C2CD2: variants seen among roughly 807,000 people sequenced by gnomAD.
C2CD2 encodes C2 domain-containing protein 2.
A neutral mutation model predicts 74.3 loss-of-function variants in C2CD2; 43 were observed. The ratio of observed to expected loss-of-function variants is 0.58; its 90% CI spans 0.45 to 0.75. The LOEUF is 0.75. C2CD2 is among the 30% of genes least tolerant of loss of function. C2CD2 has a pLI of 0.00. For synonymous variants in C2CD2, 422 were observed against 390.7 expected (o/e 1.08, Z -0.94); for missense variants, 801 against 916.3 (o/e 0.87, Z 1.63).
At chr21:41,901,566 C>A (rs1172293362) in intron 12 of C2CD2, 56 bp downstream of exon 12, 2 of 1,590,940 alleles carry the variant, frequency 1.3e-6, no homozygotes, top group Non-Finnish European at 1.7e-6. Flanking sequence ...GGCAGAGGAG[C>A]AGCAGGTCAC....
intron 3 of C2CD2, 121 bp from the exon 4 acceptor site, chr21:41,919,081 T>C (rs909841943): frequency 7.6e-5 from 55 of 725,942 alleles, no homozygotes; most frequent in Admixed American, 1.7e-4. Context: ...CATGTGTCTA[T>C]GTGAGCATAT....
rs1033935900 is a variant in C2CD2 at position 41,924,626 on chromosome 21, C to CA, written c.379-2542dup. 3.9e-5 allele frequency among the ~76,000 whole-genome samples: 6 copies of CA among 152,180 alleles called. No homozygotes were observed. Among genetic ancestry groups the CA allele is most frequent in the African/African-American group, 1.4e-4 (6 of 41,432 alleles). On this transcript the variant is annotated intron_variant, in intron 2 of 13. Coordinates refer to ENST00000380486, the MANE Select transcript of C2CD2 (RefSeq NM_015500.2). The surrounding 1 kb of genome is among the most constrained non-coding windows in gnomAD (Gnocchi z 4.4). ...TTGTGGCCAGATGAGTTACACGCACCAATGGCATGACACTGAGAAAATTCC... is the reference window on the plus strand; with the variant it reads ...TTGTGGCCAGATGAGTTACACGCACCAAATGGCATGACACTGAGAAAATTCC...
rs1050956630 is a variant in C2CD2, at chr21:41,923,026, C to A, written c.379-941G>T. 2.0e-5 allele frequency among the ~76,000 whole-genome samples: 3 copies of A among 148,398 alleles called. No homozygotes were observed. The highest frequency in any genetic ancestry group is 7.5e-5 in the African/African-American group (3 of 40,014). ...TTTTTTTTTTTTGGAGATGGAGTTTCACTCTGTCGCCCAGGTTGGAGTGCA... is the reference window on the plus strand; with the variant it reads ...TTTTTTTTTTTTGGAGATGGAGTTTAACTCTGTCGCCCAGGTTGGAGTGCA... On this transcript the variant is annotated intron_variant, in intron 2 of 13. Coordinates refer to ENST00000380486, the MANE Select transcript of C2CD2 (RefSeq NM_015500.2). The surrounding 1 kb of genome is among the most constrained non-coding windows in gnomAD (Gnocchi z 5.8).
At chr21:41,944,521 CAAA>C (rs369422328) in intron 1 of C2CD2, among the ~76,000 whole-genome samples, 5 of 97,946 alleles carry the variant, frequency 5.1e-5, no homozygotes, top group Admixed American at 1.3e-4. Context: ...GACTCTGCCT[CAAA>C]AAAAAAAAAA....
chr21:41,905,661 C>T, intron 11 of C2CD2, 63 bp downstream of exon 11: 2 of 851,850 alleles, frequency 2.3e-6, no homozygotes, highest in Non-Finnish European at 3.8e-6. Flanking sequence ...TACTTCATAT[C>T]AGAACAGCCC....
rs746198554 is a variant in C2CD2 at position 41,889,191 on chromosome 21, T to C, written c.2024A>G (p.Lys675Arg). The C allele has an allele frequency of 6.2e-7, 1 of 1,613,254 alleles. No individual in the cohort carries two copies. The highest frequency in any genetic ancestry group is 8.5e-7 in the Non-Finnish European group (1 of 1,180,028). Residue 675 changes from lysine to arginine, a missense_variant, in exon 14 of 14, where the codon AAG becomes AGG. Transcript: ENST00000380486. ...GTTTCTGTGCCTGGAGAGCAGCTTCTTGTTCAGGATCCTGGTGAGGGTGAT... is the reference window on the plus strand; with the variant it reads ...GTTTCTGTGCCTGGAGAGCAGCTTCCTGTTCAGGATCCTGGTGAGGGTGAT... ...KGITLTRILN[K>R]KLLSRHRNKN...
Position 41,907,736 on chromosome 21 carries a change from G to T in C2CD2, c.1067C>A (p.Pro356His). Reference sequence around the variant, plus strand: ...CAGCGTGAAGCTCTGTGGCCCAGAAGGCTGCTTCTTAAATAAGTCCAGAGG... The same window carrying T: ...CAGCGTGAAGCTCTGTGGCCCAGAATGCTGCTTCTTAAATAAGTCCAGAGG... The part of the protein sequence containing the change: ...TVPLDLFKKQ[P>H]SGPQSFTLTS... The change falls in exon 9 of 14, where the codon CCT (proline) becomes CAT (histidine). Residue 356 changes from proline to histidine, a missense_variant. Physicochemically the swap from Pro to His is moderately conservative, Grantham distance 77. Transcript: ENST00000380486. 2 of 1,613,728 alleles carry T rather than the reference G, an allele frequency of 1.2e-6. No homozygotes were observed. Among genetic ancestry groups the T allele is most frequent in the Non-Finnish European group, 1.7e-6 (2 of 1,179,912 alleles).
At chr21:41,915,803 T>C (rs1359815427) in intron 5 of C2CD2, among the ~76,000 whole-genome samples, 2 of 152,218 alleles carry the variant, frequency 1.3e-5, no homozygotes, top group Non-Finnish European at 2.9e-5. Context: ...TTTCTTTCCT[T>C]TTCTAATTAT....
At chr21:41,909,657 C>CA in intron 7 of C2CD2, 134 bp from the exon 8 acceptor site, 3 of 688,984 alleles carry the variant, frequency 4.4e-6, no homozygotes, top group Non-Finnish European at 7.8e-6. Context: ...GACATATAAG[C>CA]AAAAAAAGGG....
At chr21:41,949,100 C>T (rs969529760) in intron 1 of C2CD2, among the ~76,000 whole-genome samples, 7 of 151,900 alleles carry the variant, frequency 4.6e-5, no homozygotes, top group Admixed American at 4.6e-4. Context: ...GGGACAGGTG[C>T]TGCCCACACA....
intron 5 of C2CD2, among the ~76,000 whole-genome samples, chr21:41,916,721 T>A (rs1356755318): frequency 2.0e-5 from 3 of 151,956 alleles, no homozygotes; most frequent in Non-Finnish European, 2.9e-5. Flanking sequence ...ATTGGTTCTG[T>A]TTCTCTGGAA....
chr21:41,931,812 C>T (rs1411587448), intron 2 of C2CD2, among the ~76,000 whole-genome samples: 1 of 149,646 alleles, frequency 6.7e-6, no homozygotes, highest in African/African-American at 2.4e-5. Flanking sequence ...CTTTGAGCCC[C>T]ACCTCCAGCA....
At chr21:41,948,304 T>C (rs1306735653) in intron 1 of C2CD2, among the ~76,000 whole-genome samples, 1 of 151,660 alleles carries the variant, frequency 6.6e-6, no homozygotes, top group Non-Finnish European at 1.5e-5. Flanking sequence ...GGGCACTGGG[T>C]CTGGCTCTGC....
In C2CD2 at chr21:41,944,140, G is replaced by C. The variant is rs2065378168; in HGVS notation, c.280-1895C>G. 2.6e-5 allele frequency among the ~76,000 whole-genome samples: 4 copies of C among 152,272 alleles called. No homozygotes were observed. The South Asian group carries it at 8.3e-4, about 32-fold the overall frequency. On this transcript the variant is annotated intron_variant, in intron 1 of 13. Coordinates refer to ENST00000380486, the MANE Select transcript of C2CD2 (RefSeq NM_015500.2). ...TACGCTGTTGCCTTATACCAGCCTG[G>C]GTGCAGACTCATGCTCCCCTGAGGC... is the stretch of plus-strand genomic sequence containing the variant.
intron 1 of C2CD2, among the ~76,000 whole-genome samples, chr21:41,947,633 A>G (rs1401103522): frequency 6.6e-6 from 1 of 152,224 alleles, no homozygotes; most frequent in Non-Finnish European, 1.5e-5. Context: ...TTCAAAATAA[A>G]AAGTTTAAAA....
At chr21:41,951,703 G>C (rs2065451989) in intron 1 of C2CD2, among the ~76,000 whole-genome samples, 1 of 152,188 alleles carries the variant, frequency 6.6e-6, no homozygotes, top group East Asian at 1.9e-4. Context: ...ACCAGCCTAA[G>C]ACAGATGCCA....
intron 1 of C2CD2, among the ~76,000 whole-genome samples, chr21:41,946,475 C>T (rs2065398531): frequency 6.6e-6 from 1 of 152,144 alleles, no homozygotes; most frequent in Non-Finnish European, 1.5e-5. Context: ...GTAGCACCTC[C>T]CGCCTCTTTC....
At chr21:41,953,072 A>G (rs62216681) in intron 1 of C2CD2, 53,400 of 342,278 alleles carry the variant, frequency 0.16, 4,905 homozygotes, top group Non-Finnish European at 0.2. Flanking sequence ...CAAGGCAGGT[A>G]CTGGCTGGCG....
Position 41,942,182 on chromosome 21 carries a change from C to T in C2CD2, c.343G>A (p.Glu115Lys). The stretch of plus-strand genomic sequence containing the variant: ...GCCGACCTGAGCACGCTGGAGACCT[C>T]CTGCACCACCAGCTCCAGTGCCTGC... ...RQQALELVVQEVSSVLRSAEE... is the reference protein window; with the variant it reads ...RQQALELVVQKVSSVLRSAEE... Residue 115 changes from glutamate to lysine, a missense_variant, in exon 2 of 14, where the codon GAG becomes AAG. By Grantham distance (56) the Glu-to-Lys change is moderately conservative. Transcript: ENST00000380486. 6.5e-7 allele frequency: 1 copy of T among 1,549,486 alleles called. No homozygotes were observed. The highest frequency in any genetic ancestry group is 1.4e-5 in the African/African-American group (1 of 73,102).
Sources: gnomAD v4.1 joint callset for allele counts (sites outside exome capture counted in the v4.1 genomes callset) on GRCh38, gnomAD v4.1.1 for gene constraint, Gnocchi (gnomAD v3.1) non-coding constraint, MANE v1.5 for transcripts, NCBI Gene and HGNC (gene_info 2026-07-23, HGNC 2026-07-21) for gene names.